The following LRRC8B variants were observed in gnomAD, a reference collection of about 807,000 sequenced individuals.
LRRC8B encodes the protein volume-regulated anion channel subunit LRRC8B.
Under a neutral mutation model 58.8 loss-of-function variants are expected in LRRC8B, and 23 were observed. The ratio of observed to expected loss-of-function variants is 0.39; its 90% CI spans 0.28 to 0.55. LRRC8B has a LOEUF of 0.55. Among genes scored for constraint, LRRC8B ranks in the 20% least tolerant of loss-of-function variants. The probability of loss-of-function intolerance (pLI) is 0.62; values close to 1 mark genes in which losing one functional copy is unlikely to be tolerated. For synonymous variants in LRRC8B, 359 were observed against 374.1 expected (o/e 0.96, Z 0.47); for missense variants, 694 against 936.0 (o/e 0.74, Z 3.37).
chr1:89,582,295 G>A (rs1208589195), intron 4 of LRRC8B, among the ~76,000 whole-genome samples: 1 of 152,172 alleles, frequency 6.6e-6, no homozygotes, highest in Admixed American at 6.5e-5. Context: ...GTCAGTTGAA[G>A]AAAAATTGGC....
intron 1 of LRRC8B, among the ~76,000 whole-genome samples, chr1:89,525,237 CG>C (rs1295069541): frequency 6.6e-6 from 1 of 152,226 alleles, no homozygotes; most frequent in Admixed American, 6.5e-5. Context: ...TCGGGAGAGA[CG>C]GAGTCCCACG....
intron 5 of LRRC8B, among the ~76,000 whole-genome samples, chr1:89,587,563 G>C (rs113085384): frequency 0.014 from 2,083 of 152,156 alleles, 47 homozygotes; most frequent in African/African-American, 0.048. Flanking sequence ...TACCACATTG[G>C]CTGCATACAT....
Position 89,583,231 on chromosome 1 carries a change from G to A in LRRC8B, c.581G>A (p.Gly194Glu), listed in dbSNP as rs1654371292. ...SKSKILLSSS[G>E]CSADIDSGKQ... is the part of the protein sequence containing the mutation. ...TCCAAGATTTTGCTTTCGTCCTCAG[G>A]GTGTTCAGCTGACATAGATTCCGGC... Residue 194 changes from glycine to glutamate, a missense_variant, in exon 5 of 6, where the codon GGG becomes GAG. Coordinates refer to ENST00000330947, the MANE Select transcript of LRRC8B (RefSeq NM_001369817.2). This position sits in a 1 kb window ranked among gnomAD's most constrained non-coding sequence, Gnocchi z 5.2. The A allele has an allele frequency of 1.2e-6, 2 of 1,613,980 alleles. No individual in the cohort carries two copies. Among genetic ancestry groups the A allele is most frequent in the Non-Finnish European group, 1.7e-6 (2 of 1,180,028 alleles).
intron 1 of LRRC8B, among the ~76,000 whole-genome samples, chr1:89,543,935 A>G (rs1201759531): frequency 6.6e-6 from 1 of 151,960 alleles, no homozygotes; most frequent in Non-Finnish European, 1.5e-5. Flanking sequence ...CCACAGTTGC[A>G]TGCCACCAAG....
At chr1:89,556,265 C>CAG (rs1261835886) in intron 1 of LRRC8B, among the ~76,000 whole-genome samples, 1 of 152,136 alleles carries the variant, frequency 6.6e-6, no homozygotes, top group African/African-American at 2.4e-5. Flanking sequence ...TTGGAAAGAG[C>CAG]AGAGAAGCTC....
intron 1 of LRRC8B, among the ~76,000 whole-genome samples, chr1:89,530,121 G>C (rs1397916994): frequency 6.6e-6 from 1 of 151,728 alleles, no homozygotes; most frequent in Non-Finnish European, 1.5e-5. Context: ...GGCTGAGGTG[G>C]GTGGATCACC....
intron 3 of LRRC8B, among the ~76,000 whole-genome samples, chr1:89,578,759 A>G (rs1570633237): frequency 6.6e-6 from 1 of 152,130 alleles, no homozygotes; most frequent in Non-Finnish European, 1.5e-5. Flanking sequence ...TTGAGGTTTC[A>G]TAGGCACTAA....
At chr1:89,556,187 C>T (rs1274501860) in intron 1 of LRRC8B, among the ~76,000 whole-genome samples, 2 of 152,040 alleles carry the variant, frequency 1.3e-5, no homozygotes, top group African/African-American at 4.8e-5. Flanking sequence ...CATAAAAACC[C>T]CTAAACAATG....
chr1:89,543,662 A>AT lies in LRRC8B; in HGVS notation c.-241+18653dup, dbSNP rs562431386. On this transcript the variant is annotated intron_variant, in intron 1 of 5. Coordinates refer to ENST00000330947, the MANE Select transcript of LRRC8B (RefSeq NM_001369817.2). ...AGGCACATGCCAGCAGCCCTGGCTA[A>AT]TTTTTTTTTTTTTAGTAGAGATGAG... 3.6e-3 allele frequency among the ~76,000 whole-genome samples: 531 copies of AT among 145,570 alleles called. 7 individuals carry two copies. The highest frequency in any genetic ancestry group is 0.036 in the South Asian group (164 of 4,558).
At chr1:89,525,186 G>A (rs546203882) in intron 1 of LRRC8B, among the ~76,000 whole-genome samples, 164 bp downstream of exon 1, 2 of 152,360 alleles carry the variant, frequency 1.3e-5, no homozygotes, top group African/African-American at 4.8e-5. Context: ...CCGGTAGCGC[G>A]GCTGCAGAGA....
intron 1 of LRRC8B, among the ~76,000 whole-genome samples, chr1:89,530,689 G>T (rs545905794): frequency 7.7e-4 from 117 of 152,342 alleles, no homozygotes; most frequent in African/African-American, 2.6e-3. Context: ...CACAGGATGG[G>T]AAGTATGAGC....
chr1:89,589,830 T>C (rs1654868580), intron 5 of LRRC8B, among the ~76,000 whole-genome samples: 1 of 151,330 alleles, frequency 6.6e-6, no homozygotes, highest in African/African-American at 2.4e-5. Flanking sequence ...TCTCAGCCTC[T>C]GGGAAAAAGC....
chr1:89,569,173 G>T (rs917428974), intron 3 of LRRC8B, among the ~76,000 whole-genome samples: 2 of 151,788 alleles, frequency 1.3e-5, no homozygotes, highest in African/African-American at 4.9e-5. Flanking sequence ...AATCAGTGGT[G>T]AAGACAGGGG....
At chr1:89,551,030 C>T (rs1404618432) in intron 1 of LRRC8B, among the ~76,000 whole-genome samples, 1 of 152,182 alleles carries the variant, frequency 6.6e-6, no homozygotes, top group African/African-American at 2.4e-5. Flanking sequence ...TAAATGTCCT[C>T]ACTGCCTCAT....
At chr1:89,554,752 T>C (rs57498261) in intron 1 of LRRC8B, among the ~76,000 whole-genome samples, 3,274 of 152,244 alleles carry the variant, frequency 0.022, 122 homozygotes, top group African/African-American at 0.075. Context: ...ACAGATGGTA[T>C]TGTCAAATAT....
In LRRC8B at chr1:89,593,998, A is replaced by C. The variant is rs992601604; in HGVS notation, c.*955A>C. ...GCCTAGAACAGGAGCTGAGTATTTAAGATGTATTATCCTCGGGGCATCCTG... is the reference window on the plus strand; with the variant it reads ...GCCTAGAACAGGAGCTGAGTATTTACGATGTATTATCCTCGGGGCATCCTG... On this transcript the variant is annotated 3_prime_UTR_variant, in exon 6 of 6. Transcript: ENST00000330947. 1 of 152,186 alleles carries C rather than the reference A, an allele frequency of 6.6e-6. No homozygotes were observed. Among genetic ancestry groups the C allele is most frequent in the Non-Finnish European group, 1.5e-5 (1 of 68,032 alleles). 9.4% of individuals were successfully genotyped at this position (152,186 alleles called of 1,614,324 possible). A position where few individuals can be genotyped will look rare whatever the true frequency, so the allele number is the denominator to read the frequency against.
intron 3 of LRRC8B, among the ~76,000 whole-genome samples, chr1:89,578,038 C>T (rs545127863): frequency 1.3e-4 from 20 of 152,228 alleles, no homozygotes; most frequent in Non-Finnish European, 2.6e-4. Flanking sequence ...GGTTTTGTCA[C>T]CTTGGGCAAG....
intron 3 of LRRC8B, among the ~76,000 whole-genome samples, chr1:89,574,899 C>T (rs1653731793): frequency 6.6e-6 from 1 of 152,150 alleles, no homozygotes; most frequent in Non-Finnish European, 1.5e-5. Flanking sequence ...GCTGTAAGAC[C>T]CTTCGTTAAA....
chr1:89,543,544 G>A (rs1297827593), intron 1 of LRRC8B, among the ~76,000 whole-genome samples: 1 of 151,790 alleles, frequency 6.6e-6, no homozygotes, highest in Non-Finnish European at 1.5e-5. Context: ...CACCTGGGCT[G>A]GAGTGCAGTG....
Sources: gnomAD v4.1 joint callset for allele counts (sites outside exome capture counted in the v4.1 genomes callset) on GRCh38, gnomAD v4.1.1 for gene constraint, Gnocchi (gnomAD v3.1) non-coding constraint, MANE v1.5 for transcripts, NCBI Gene and HGNC (gene_info 2026-07-23, HGNC 2026-07-21) for gene names.